Variants in WDR1 observed in about 807,000 individuals in gnomAD.
WDR1 encodes the protein WD repeat domain 1.
Under a neutral mutation model 71.9 loss-of-function variants are expected in WDR1, and 21 were observed. The observed-to-expected ratio is 0.29, with a 90% CI of 0.21 to 0.42. The LOEUF is 0.42. WDR1 is among the 10% of genes least tolerant of loss of function. WDR1 has a pLI of 1.00. For missense variants in WDR1, 696 were observed against 824.5 expected (o/e 0.84, Z 1.91); for synonymous variants, 424 against 347.4 (o/e 1.22, Z -2.45).
chr4:10,111,423 A>G (rs13130003), intron 2 of WDR1, among the ~76,000 whole-genome samples: 100,901 of 152,120 alleles, frequency 0.66, 34,321 homozygotes, highest in Middle Eastern at 0.76. Context: ...TTCCCCTGCC[A>G]TCAGGTGGTC....
intron 5 of WDR1, chr4:10,093,127 A>G (rs1393961081): frequency 1.9e-5 from 25 of 1,289,294 alleles, no homozygotes; most frequent in Non-Finnish European, 2.2e-5. Flanking sequence ...AGAGCGCTGC[A>G]GGCCCCAGCT....
intron 5 of WDR1, chr4:10,091,702 A>T (rs1578429455): frequency 6.6e-6 from 1 of 152,230 alleles, no homozygotes; most frequent in South Asian, 2.1e-4. Context: ...ACCCACCATG[A>T]GGGAGCCGTC....
intron 9 of WDR1, among the ~76,000 whole-genome samples, chr4:10,083,968 T>G (rs1765110489): frequency 6.6e-6 from 1 of 152,220 alleles, no homozygotes; most frequent in Non-Finnish European, 1.5e-5. Flanking sequence ...ACAGGCTGCA[T>G]GACTCTGGGG....
intron 14 of WDR1, 166 bp downstream of exon 14, chr4:10,077,114 CCTCAGTACGGCCAGCAGCGCAGCT>C: frequency 1.2e-6 from 1 of 831,452 alleles, no homozygotes; most frequent in Non-Finnish European, 1.8e-6. Context: ...CCCCGTGGTC[CCTCAGTACGGCCAGCAGCGCAGCT>C]GGTGTTTGCT....
At chr4:10,093,063 G>T in intron 5 of WDR1, 2 of 1,289,422 alleles carry the variant, frequency 1.6e-6, no homozygotes, top group Non-Finnish European at 2.0e-6. Flanking sequence ...ACCGAGGCTT[G>T]AAGCACTGAG....
chr4:10,113,554 G>C (rs1459867958), intron 2 of WDR1, among the ~76,000 whole-genome samples: 6 of 152,032 alleles, frequency 3.9e-5, no homozygotes, highest in African/African-American at 1.4e-4. Context: ...GAAGCCACTA[G>C]AGGCCTGTCT....
intron 5 of WDR1, among the ~76,000 whole-genome samples, chr4:10,090,749 A>T (rs1057375116): frequency 3.3e-5 from 5 of 152,190 alleles, no homozygotes; most frequent in Non-Finnish European, 1.5e-5. Flanking sequence ...CTTAGATGAA[A>T]GCCGGAGAAA....
rs1359579082 is a variant in WDR1, at chr4:10,077,335, C to T, written c.1683G>A (p.Leu561=). 1 of 1,614,034 alleles carries T rather than the reference C, an allele frequency of 6.2e-7. No individual in the cohort carries two copies. Among genetic ancestry groups the T allele is most frequent in the Admixed American group, 1.7e-5 (1 of 60,028 alleles). The part of the protein sequence containing the change: ...GMDMMVYVWT[L]SDPETRVKIQ... ...TCTTGACTCTGGTTTCCGGGTCACT[C>T]AGGGTCCAAACATACACCATCATGT... The change falls in exon 14 of 15, where the codon CTG becomes CTA. Residue 561 remains leucine (L), a synonymous_variant. Transcript: ENST00000499869.
At chr4:10,110,600 C>A (rs544473878) in intron 2 of WDR1, among the ~76,000 whole-genome samples, 1 of 152,136 alleles carries the variant, frequency 6.6e-6, no homozygotes, top group African/African-American at 2.4e-5. Flanking sequence ...CTTCAAGACC[C>A]AACTCAAATG....
intron 8 of WDR1, among the ~76,000 whole-genome samples, chr4:10,085,206 C>G (rs1161969460): frequency 6.6e-6 from 1 of 152,210 alleles, no homozygotes; most frequent in Non-Finnish European, 1.5e-5. Flanking sequence ...GCTCCTCATG[C>G]CTTTCTCCTG....
At chr4:10,078,776 T>C in intron 12 of WDR1, 115 bp downstream of exon 12, 1 of 856,040 alleles carries the variant, frequency 1.2e-6, no homozygotes, top group Non-Finnish European at 1.8e-6. Context: ...GCCCCCATCC[T>C]TCCCCTGACC....
At chr4:10,098,920 T>G in intron 4 of WDR1, 72 bp downstream of exon 4, 1 of 1,597,068 alleles carries the variant, frequency 6.3e-7, no homozygotes, top group Non-Finnish European at 8.6e-7. Flanking sequence ...CGCATCCCCC[T>G]CCCAGGGTCA....
chr4:10,092,934 A>G (rs1712093703), intron 5 of WDR1: 1 of 623,272 alleles, frequency 1.6e-6, no homozygotes, highest in Non-Finnish European at 2.6e-6. Context: ...TCCGGTCCAC[A>G]CTCCTGCCTG....
chr4:10,108,697 C>G (rs914022898), intron 2 of WDR1, among the ~76,000 whole-genome samples: 1 of 152,222 alleles, frequency 6.6e-6, no homozygotes, highest in African/African-American at 2.4e-5. Context: ...GGCTGAATGA[C>G]AGCAAAAAAC....
intron 3 of WDR1, 98 bp downstream of exon 3, chr4:10,103,798 C>CCA: frequency 1.7e-6 from 1 of 580,514 alleles, no homozygotes; most frequent in Non-Finnish European, 2.8e-6. Flanking sequence ...CACCTCCCTC[C>CCA]TCCCACTCTC....
At chr4:10,077,071 C>G (rs1280648830) in intron 14 of WDR1, 5 of 537,968 alleles carry the variant, frequency 9.3e-6, no homozygotes, top group Non-Finnish European at 1.6e-5. Flanking sequence ...GTGAGGCCTT[C>G]ACTCAGCTCA....
In WDR1 at chr4:10,075,252, C is replaced by A. The variant is rs1434463194; in HGVS notation, c.*126G>T. ...TGCAGAGACGAGGGTCATGACTGGG[C>A]CCTCCTGCCTCTTGTGGTGGGGTGG... On this transcript the variant is annotated 3_prime_UTR_variant, in exon 15 of 15. Coordinates refer to ENST00000499869, the MANE Select transcript of WDR1 (RefSeq NM_017491.5). 5.2e-6 allele frequency: 4 copies of A among 763,886 alleles called. No individual in the cohort carries two copies. Among genetic ancestry groups the A allele is most frequent in the Admixed American group, 2.1e-5 (1 of 47,060 alleles). The allele number at this position is 763,886 out of a possible 1,614,324, so 47.3% of individuals were successfully genotyped here.
intron 6 of WDR1, 73 bp downstream of exon 6, chr4:10,088,591 C>A (rs777229267): frequency 1.6e-5 from 22 of 1,359,874 alleles, no homozygotes; most frequent in Non-Finnish European, 2.2e-5. Flanking sequence ...CATTAGGCAG[C>A]CTGCGGCTCT....
At position 10,097,893 on chromosome 4, in the gene WDR1, T is replaced by G; in HGVS notation, c.378-2A>C. ...TCCCAGAGGAAGACTGCTCCAAACC[T>G]TGACCCAATGACACAGGTGGAAGAC... On this transcript the variant is annotated splice_acceptor_variant, in intron 4 of 14. Transcript: ENST00000499869. LOFTEE classifies it high-confidence loss of function. The G allele has an allele frequency of 6.4e-7, 1 of 1,564,680 alleles. No individual in the cohort carries two copies. The highest frequency in any genetic ancestry group is 8.7e-7 in the Non-Finnish European group (1 of 1,154,086).
Sources: gnomAD v4.1 joint callset for allele counts (sites outside exome capture counted in the v4.1 genomes callset) on GRCh38, gnomAD v4.1.1 for gene constraint, MANE v1.5 for transcripts, NCBI Gene and HGNC (gene_info 2026-07-23, HGNC 2026-07-21) for gene names.